The following BRF1 variants were observed in gnomAD, a reference collection of about 807,000 sequenced individuals.
BRF1 encodes transcription factor IIIB 90 kDa subunit.
A neutral mutation model predicts 81.7 loss-of-function variants in BRF1; 59 were observed. The observed-to-expected ratio is 0.72, with a 90% CI of 0.59 to 0.90. BRF1 has a LOEUF of 0.90. Ranked by LOEUF, BRF1 falls within the 40% of genes least tolerant of loss-of-function variation. BRF1 has a pLI of 0.00. For missense variants in BRF1, 1,050 were observed against 936.3 expected, an observed-to-expected ratio of 1.12 and a Z score of -1.58; for synonymous variants, 491 against 395.6, an observed-to-expected ratio of 1.24 and a Z score of -2.86.
chr14:105,249,321 C>T lies in BRF1; in HGVS notation c.544+3186G>A, dbSNP rs587661224. ...CGCCGTGTGGCTGACACGCAGCCTG[C>T]GGGAGAGCCAGGCTCACGGCGGCGC... On this transcript the variant is annotated intron_variant, in intron 5 of 17. Transcript: ENST00000547530. 58 of 1,595,240 alleles carry T rather than the reference C, an allele frequency of 3.6e-5. No individual in the cohort carries two copies. In the Admixed American group the frequency reaches 7.8e-4, roughly 21 times the overall value.
At chr14:105,310,063 T>C (rs2058305916) in intron 1 of BRF1, among the ~76,000 whole-genome samples, 1 of 151,266 alleles carries the variant, frequency 6.6e-6, no homozygotes. Context: ...GGATTACAGG[T>C]ATGAGCCACC....
intron 1 of BRF1, among the ~76,000 whole-genome samples, chr14:105,294,138 G>A (rs1488667971): frequency 6.6e-6 from 1 of 152,180 alleles, no homozygotes; most frequent in Non-Finnish European, 1.5e-5. Flanking sequence ...GCTGCCCAGA[G>A]CAACAGATCC....
At chr14:105,285,526 C>T (rs1314832513) in intron 2 of BRF1, among the ~76,000 whole-genome samples, 1 of 152,122 alleles carries the variant, frequency 6.6e-6, no homozygotes, top group African/African-American at 2.4e-5. Flanking sequence ...TGGACCAAAA[C>T]CTACTGGAAA....
At chr14:105,313,953 A>G (rs2058431381) in intron 1 of BRF1, among the ~76,000 whole-genome samples, 1 of 152,266 alleles carries the variant, frequency 6.6e-6, no homozygotes. Flanking sequence ...CCCCAGGGCC[A>G]GGAGCCAGCC....
chr14:105,256,038 T>C (rs587648752), intron 4 of BRF1: 7 of 606,486 alleles, frequency 1.2e-5, no homozygotes, highest in South Asian at 4.0e-5. Flanking sequence ...GGTGGGAGGA[T>C]TGCTTGAGCC....
Position 105,216,170 on chromosome 14 carries a change from G to A in BRF1, c.1772+1374C>T, listed in dbSNP as rs587639185. 2.0e-5 allele frequency among the ~76,000 whole-genome samples: 3 copies of A among 152,104 alleles called. No homozygotes were observed. The East Asian group carries it at 5.8e-4, about 29-fold the overall frequency. The stretch of plus-strand genomic sequence containing the variant: ...CTGCATGTACATGTATACACACACA[G>A]AGAGACACACATGCACACCCGGGCC... On this transcript the variant is annotated intron_variant, in intron 15 of 17. Transcript: ENST00000547530.
chr14:105,215,566 T>TA (rs1891003868), intron 15 of BRF1, among the ~76,000 whole-genome samples: 2 of 101,000 alleles, frequency 2.0e-5, no homozygotes, highest in African/African-American at 7.5e-5. Context: ...CATGCACACA[T>TA]ACACTGCAGG....
In BRF1 at chr14:105,209,372, G is replaced by A; in HGVS notation, c.*1179C>T. ...GAGAAGCCCTGGCAGGACCCAGGCT[G>A]GCTACTGAGCTCTGGGCGGGGGTAG... is the stretch of plus-strand genomic sequence containing the variant. On this transcript the variant is annotated 3_prime_UTR_variant, in exon 18 of 18. Coordinates refer to ENST00000547530, the MANE Select transcript of BRF1 (RefSeq NM_001519.4). The A allele has an allele frequency of 1.7e-6, 1 of 595,870 alleles. No individual in the cohort carries two copies. 36.9% of individuals were successfully genotyped at this position (595,870 alleles called of 1,614,324 possible).
chr14:105,281,630 G>A (rs937085257), intron 2 of BRF1, among the ~76,000 whole-genome samples: 9 of 152,168 alleles, frequency 5.9e-5, no homozygotes, highest in Non-Finnish European at 1.0e-4. Context: ...CCACAGTGGA[G>A]GGGGGCACTG....
intron 5 of BRF1, chr14:105,242,561 C>T (rs755936010): frequency 8.6e-5 from 13 of 151,570 alleles, no homozygotes; most frequent in African/African-American, 1.9e-4. Context: ...CATGGAGAAA[C>T]CCCATCTTTA....
rs138084196 is a variant in BRF1 at position 105,286,318 on chromosome 14, C to T, written c.243G>A (p.Ser81=). ...TACCATTCTGCAGGGTCTGCGCTCTCGACTCCTTCCCCAGATTCACGTGGA... is the reference window on the plus strand; with the variant it reads ...TACCATTCTGCAGGGTCTGCGCTCTTGACTCCTTCCCCAGATTCACGTGGA... ...GGFHVNLGKE[S]RAQTLQNGRR... The change falls in exon 2 of 18, where the codon TCG becomes TCA. Residue 81 remains serine (S), a synonymous_variant. Coordinates refer to ENST00000547530, the MANE Select transcript of BRF1 (RefSeq NM_001519.4). The T allele has an allele frequency of 4.8e-5, 77 of 1,613,442 alleles. No homozygotes were observed. Among genetic ancestry groups the T allele is most frequent in the Middle Eastern group, 3.3e-4 (2 of 6,080 alleles).
intron 2 of BRF1, 34 bp downstream of exon 2, chr14:105,286,262 C>T (rs753789531): frequency 4.4e-6 from 7 of 1,594,094 alleles, no homozygotes; most frequent in South Asian, 3.4e-5. Flanking sequence ...CTGGGACCCG[C>T]CGCACGCTCA....
At chr14:105,218,319 C>G (rs1021022610) in intron 14 of BRF1, among the ~76,000 whole-genome samples, 3 of 152,190 alleles carry the variant, frequency 2.0e-5, no homozygotes, top group Non-Finnish European at 2.9e-5. Context: ...TGCTGCCCCC[C>G]GCTGCACGAT....
chr14:105,273,915 T>A (rs940671742), intron 2 of BRF1, among the ~76,000 whole-genome samples: 9 of 151,960 alleles, frequency 5.9e-5, no homozygotes, highest in South Asian at 2.1e-4. Context: ...TGTGCTGAGG[T>A]GGATTGGTAA....
At chr14:105,248,579 G>GGGCC (rs2055314219) in intron 5 of BRF1, 1 of 918,182 alleles carries the variant, frequency 1.1e-6, no homozygotes, top group African/African-American at 1.8e-5. Context: ...TCGGGCGGGC[G>GGGCC]GGCGGGCGGG....
intron 1 of BRF1, among the ~76,000 whole-genome samples, chr14:105,310,391 G>A (rs752106360): frequency 7.9e-5 from 12 of 151,790 alleles, no homozygotes; most frequent in Admixed American, 4.6e-4. Context: ...TTAGCCAGGC[G>A]TGGTGGCAGG....
intron 14 of BRF1, 142 bp from the exon 15 acceptor site, chr14:105,217,942 A>C: frequency 7.4e-7 from 1 of 1,349,058 alleles, no homozygotes; most frequent in Non-Finnish European, 1.0e-6. Flanking sequence ...TCCTCCCCCC[A>C]GAATGTGGGC....
intron 10 of BRF1, among the ~76,000 whole-genome samples, chr14:105,222,940 ATTTC>A (rs1464004663): frequency 3.3e-5 from 5 of 152,144 alleles, no homozygotes; most frequent in Non-Finnish European, 7.3e-5. Context: ...CAACCTGATC[ATTTC>A]TTAAAGACAG....
chr14:105,247,762 C>G lies in BRF1; in HGVS notation c.544+4745G>C, dbSNP rs1019579063. 5.1e-6 allele frequency: 5 copies of G among 985,406 alleles called. No individual in the cohort carries two copies. In the African/African-American group the frequency reaches 5.2e-5, roughly 10 times the overall value. 61.0% of individuals were successfully genotyped at this position (985,406 alleles called of 1,614,324 possible). On this transcript the variant is annotated intron_variant, in intron 5 of 17. Coordinates refer to ENST00000547530, the MANE Select transcript of BRF1 (RefSeq NM_001519.4). Reference sequence around the variant, plus strand: ...TGTCCTCGGGGAGGAACCCTCCTGACAGCCAGGCCTCTGGAGCTTCGTCTG... The same window carrying G: ...TGTCCTCGGGGAGGAACCCTCCTGAGAGCCAGGCCTCTGGAGCTTCGTCTG...
Sources: allele counts gnomAD v4.1 joint callset (sites outside exome capture counted in the v4.1 genomes callset), GRCh38; gene constraint gnomAD v4.1.1; transcripts MANE v1.5; gene names NCBI Gene and HGNC (gene_info 2026-07-23, HGNC 2026-07-21).